ARHGEF40: variants seen among roughly 807,000 people sequenced by gnomAD.
The protein encoded by ARHGEF40 is Rho guanine nucleotide exchange factor (GEF) 40.
In ARHGEF40, 98 loss-of-function variants were observed where a neutral mutation model predicts 165.9. The observed-to-expected ratio is 0.59, with a 90% CI of 0.50 to 0.70. The LOEUF is 0.70. ARHGEF40 is among the 30% of genes least tolerant of loss of function. ARHGEF40 has a pLI of 0.00. For missense variants in ARHGEF40, 1,815 were observed against 1,968.0 expected (o/e 0.92, Z 1.47); for synonymous variants, 792 against 814.3 (o/e 0.97, Z 0.47).
Position 21,082,485 on chromosome 14 carries a change from G to A in ARHGEF40, c.3486+7G>A. The A allele has an allele frequency of 6.4e-7, 1 of 1,570,552 alleles. No individual in the cohort carries two copies. Among genetic ancestry groups the A allele is most frequent in the African/African-American group, 1.4e-5 (1 of 73,760 alleles). On this transcript the variant is annotated splice_region_variant and intron_variant, in intron 15 of 23. Transcript: ENST00000298694. Reference sequence around the variant, plus strand: ...GGCCTGCTTCCTTCGCCACGTGAGTGATCCCCTCAACTTCTTCCAAGTGCT... The same window carrying A: ...GGCCTGCTTCCTTCGCCACGTGAGTAATCCCCTCAACTTCTTCCAAGTGCT...
Position 21,074,361 on chromosome 14 carries a change from G to A in ARHGEF40, c.631G>A (p.Gly211Arg), listed in dbSNP as rs878897756. 6.2e-7 allele frequency: 1 copy of A among 1,613,576 alleles called. No individual in the cohort carries two copies. The highest frequency in any genetic ancestry group is 1.1e-5 in the South Asian group (1 of 91,070). Residue 211 changes from glycine to arginine, a missense_variant, in exon 3 of 24, where the codon GGG becomes AGG. Gly to Arg is a moderately radical substitution (Grantham distance 125, BLOSUM62 -2). Coordinates refer to ENST00000298694, the MANE Select transcript of ARHGEF40 (RefSeq NM_018071.5). This position sits in a 1 kb window ranked among gnomAD's most constrained non-coding sequence, Gnocchi z 4.8. ...LPPELPSGPP[G>R]LPSPPLPEEA... ...CCCAGAACTGCCCTCTGGACCTCCAGGGCTTCCCAGCCCTCCACTTCCTGA... is the reference window on the plus strand; with the variant it reads ...CCCAGAACTGCCCTCTGGACCTCCAAGGCTTCCCAGCCCTCCACTTCCTGA...
At chr14:21,082,974 C>G in intron 16 of ARHGEF40, 57 bp downstream of exon 16, 1 of 1,521,012 alleles carries the variant, frequency 6.6e-7, no homozygotes, top group Non-Finnish European at 9.1e-7. Context: ...GACCTAAAAA[C>G]CCACCCAACA....
In ARHGEF40 at chr14:21,081,493, C is replaced by T. The variant is rs1325345884; in HGVS notation, c.2641-16C>T. ...TTACCCTTTCTCTCCCATCCCCAAC[C>T]CCTTTGACTTCGTAGGCACATGAAT... is the stretch of plus-strand genomic sequence containing the variant. On this transcript the variant is annotated splice_polypyrimidine_tract_variant and intron_variant, in intron 13 of 23. Coordinates refer to ENST00000298694, the MANE Select transcript of ARHGEF40 (RefSeq NM_018071.5). 1.2e-6 allele frequency: 2 copies of T among 1,612,180 alleles called. No individual in the cohort carries two copies. Among genetic ancestry groups the T allele is most frequent in the African/African-American group, 2.7e-5 (2 of 74,920 alleles).
At chr14:21,079,045 C>G (rs74415238) in intron 11 of ARHGEF40, 35 bp downstream of exon 11, 6 of 1,593,022 alleles carry the variant, frequency 3.8e-6, no homozygotes, top group African/African-American at 2.7e-5. Flanking sequence ...CTTACTCAGC[C>G]TGGGAGTGTG....
Position 21,082,361 on chromosome 14 carries a change from G to T in ARHGEF40, c.3369G>T (p.Trp1123Cys). 6.2e-7 allele frequency: 1 copy of T among 1,611,942 alleles called. No individual in the cohort carries two copies. Among genetic ancestry groups the T allele is most frequent in the Non-Finnish European group, 8.5e-7 (1 of 1,179,782 alleles). Reference protein sequence around the residue: ...PELTPELRGTWAAALSARERL... With the variant: ...PELTPELRGTCAAALSARERL... ...TGACGCCTGAACTTCGGGGCACCTG[G>T]GCTGCTGCCCTGAGTGCCCGGGAAA... The change falls in exon 15 of 24, where the codon TGG becomes TGT. Residue 1123 changes from tryptophan to cysteine, a missense_variant. Physicochemically the swap from Trp to Cys is radical, Grantham distance 215. Coordinates refer to ENST00000298694, the MANE Select transcript of ARHGEF40 (RefSeq NM_018071.5).
chr14:21,082,039 C>T lies in ARHGEF40; in HGVS notation c.3171C>T (p.His1057=), dbSNP rs61743056. The part of the protein sequence containing the change: ...VVDRTCSPRE[H]VLLGRARGPD... ...ACAGGACGTGCTCACCACGGGAACA[C>T]GTGCTGCTGGGCCGGGCTAGGGGGC... Residue 1057 remains histidine, a synonymous_variant, in exon 14 of 24, where the codon CAC becomes CAT. Transcript: ENST00000298694. 6.6e-3 allele frequency: 10,317 copies of T among 1,564,292 alleles called. 566 individuals carry two copies. In the African/African-American group the frequency reaches 0.12, roughly 18 times the overall value.
In ARHGEF40 at chr14:21,082,301, C is replaced by G. The variant is rs1566534819; in HGVS notation, c.3309C>G (p.Thr1103=). 2 of 1,613,218 alleles carry G rather than the reference C, an allele frequency of 1.2e-6. No homozygotes were observed. Among genetic ancestry groups the G allele is most frequent in the Non-Finnish European group, 1.7e-6 (2 of 1,179,678 alleles). ...LIACEQDYVA[T]LSEPVPPPGP... ...CCTGTGAACAAGATTACGTGGCCAC[C>G]TTGAGTGAGCCAGTGCCACCCCCTG... is the stretch of plus-strand genomic sequence containing the variant. The change falls in exon 15 of 24, where the codon ACC becomes ACG. Residue 1103 remains threonine, a synonymous_variant. Coordinates refer to ENST00000298694, the MANE Select transcript of ARHGEF40 (RefSeq NM_018071.5).
rs372420265 is a variant in ARHGEF40 at position 21,081,947 on chromosome 14, G to A, written c.3079G>A (p.Ala1027Thr). 8.7e-6 allele frequency: 14 copies of A among 1,607,000 alleles called. No individual in the cohort carries two copies. The African/African-American group carries it at 1.7e-4, about 20-fold the overall frequency. Reference protein sequence around the residue: ...EEEGPELAPEAEGRPPRAVLI... With the variant: ...EEEGPELAPETEGRPPRAVLI... ...AGAGGGCCCTGAGCTGGCTCCAGAA[G>A]CAGAGGGCAGGCCCCCAAGAGCTGT... The change falls in exon 14 of 24, where the codon GCA becomes ACA. Residue 1027 changes from alanine (A) to threonine (T), a missense_variant. Transcript: ENST00000298694.
Position 21,070,423 on chromosome 14 carries a change from T to C in ARHGEF40, c.3+24T>C, listed in dbSNP as rs1886624438. The C allele has an allele frequency of 2.1e-6, 3 of 1,403,352 alleles. No individual in the cohort carries two copies. Among genetic ancestry groups the C allele is most frequent in the Non-Finnish European group, 2.8e-6 (3 of 1,087,242 alleles). 86.9% of individuals were successfully genotyped at this position (1,403,352 alleles called of 1,614,324 possible). On this transcript the variant is annotated intron_variant, in intron 1 of 23. Transcript: ENST00000298694. This position sits in a 1 kb window ranked among gnomAD's most constrained non-coding sequence, Gnocchi z 4.7. ...TGGTGAGTCCAGCGTCGCAGCCCCC[T>C]GGGTCCCCTCGGCCTTCGCGCAGCC...
chr14:21,063,489 C>T, the ARHGEF40 span, among the ~76,000 whole-genome samples: 19 of 151,974 alleles, frequency 1.3e-4, no homozygotes, highest in Non-Finnish European at 2.6e-4. Context: ...GGGTCTTATG[C>T]GTATGTTCAA....
At chr14:21,087,275 C>G in intron 20 of ARHGEF40, 45 bp from the exon 21 acceptor site, 1 of 1,591,924 alleles carries the variant, frequency 6.3e-7, no homozygotes, top group Admixed American at 1.7e-5. Flanking sequence ...GCCAAGAGGG[C>G]TTTCCCACAC....
chr14:21,084,195 C>A, intron 17 of ARHGEF40, 145 bp downstream of exon 17: 1 of 747,570 alleles, frequency 1.3e-6, no homozygotes, highest in South Asian at 1.9e-5. Context: ...TTGATTGAGT[C>A]ACTGAACTTC....
At chr14:21,080,237 C>CACCCCT (rs1887781508) in intron 11 of ARHGEF40, among the ~76,000 whole-genome samples, 1 of 144,382 alleles carries the variant, frequency 6.9e-6, no homozygotes, top group Admixed American at 6.9e-5. Flanking sequence ...CACACACACA[C>CACCCCT]ACACACACAC....
In ARHGEF40 at chr14:21,083,992, G is replaced by A. The variant is rs143693692; in HGVS notation, c.3731G>A (p.Arg1244Gln). Reference protein sequence around the residue: ...RALGAAVQLLREQEARGRDLL... With the variant: ...RALGAAVQLLQEQEARGRDLL... Reference sequence around the variant, plus strand: ...CTTGGGGCTGCTGTACAGCTGCTCCGGGAACAAGAGGCCCGTGGCAGAGAC... The same window carrying A: ...CTTGGGGCTGCTGTACAGCTGCTCCAGGAACAAGAGGCCCGTGGCAGAGAC... Residue 1244 changes from arginine to glutamine, a missense_variant, in exon 17 of 24, where the codon CGG becomes CAG. Transcript: ENST00000298694. The A allele has an allele frequency of 2.8e-4, 449 of 1,612,938 alleles. 3 individuals carry two copies. The African/African-American group carries it at 5.1e-3, about 18-fold the overall frequency.
At position 21,070,873 on chromosome 14, in the gene ARHGEF40, G is replaced by A. The variant is rs1594540377; in HGVS notation, c.3+474G>A. On this transcript the variant is annotated intron_variant, in intron 1 of 23. Coordinates refer to ENST00000298694, the MANE Select transcript of ARHGEF40 (RefSeq NM_018071.5). The surrounding 1 kb of genome is among the most constrained non-coding windows in gnomAD (Gnocchi z 4.7). Reference sequence around the variant, plus strand: ...CCATCCCTGTCCCCAACCCGGTGAGGCAGGCCCACCCATCCGGCCCTAGGG... The same window carrying A: ...CCATCCCTGTCCCCAACCCGGTGAGACAGGCCCACCCATCCGGCCCTAGGG... The A allele has an allele frequency of 6.5e-7, 1 of 1,535,556 alleles. No individual in the cohort carries two copies. Among genetic ancestry groups the A allele is most frequent in the Non-Finnish European group, 8.7e-7 (1 of 1,146,778 alleles).
At chr14:21,085,937 C>T (rs1411989929) in intron 19 of ARHGEF40, 71 bp downstream of exon 19, 32 of 1,538,690 alleles carry the variant, frequency 2.1e-5, no homozygotes, top group Admixed American at 5.3e-5. Flanking sequence ...GGAGAGTGTG[C>T]GAACTGCTTG....
intron 17 of ARHGEF40, 22 bp from the exon 18 acceptor site, chr14:21,084,731 C>A: frequency 6.2e-7 from 1 of 1,605,580 alleles, no homozygotes; most frequent in African/African-American, 1.3e-5. Flanking sequence ...GGGCCAACCA[C>A]TTTTCCTTTT....
upstream of ARHGEF40, among the ~76,000 whole-genome samples, chr14:21,069,540 C>T (rs1324263212): frequency 1.3e-5 from 2 of 152,248 alleles, no homozygotes; most frequent in Non-Finnish European, 2.9e-5. Flanking sequence ...CACGCCCCTA[C>T]ATAAGCATCC....
At position 21,073,439 on chromosome 14, in the gene ARHGEF40, AACAC is replaced by A. The variant is rs35990507; in HGVS notation, c.201+215_201+218del. On this transcript the variant is annotated intron_variant, in intron 2 of 23. Transcript: ENST00000298694. This position sits in a 1 kb window ranked among gnomAD's most constrained non-coding sequence, Gnocchi z 4.6. ...CACAGGCACTGACCATTCAGATGCT[AACAC>A]ACACACACACACACACATTCATCTT... is the stretch of plus-strand genomic sequence containing the variant. 5.3e-5 allele frequency among the ~76,000 whole-genome samples: 8 copies of A among 149,994 alleles called. No individual in the cohort carries two copies. The highest frequency in any genetic ancestry group is 1.0e-4 in the Non-Finnish European group (7 of 67,446).
Sources: allele counts gnomAD v4.1 joint callset (sites outside exome capture counted in the v4.1 genomes callset), GRCh38; gene constraint gnomAD v4.1.1; non-coding constraint Gnocchi (gnomAD v3.1); transcripts MANE v1.5; gene names NCBI Gene and HGNC (gene_info 2026-07-23, HGNC 2026-07-21).